Variants in RBFOX1 observed in about 807,000 individuals in gnomAD.
The protein encoded by RBFOX1 is RNA binding protein fox-1 homolog 1.
In RBFOX1, 8 loss-of-function variants were observed where a neutral mutation model predicts 57.7. The observed-to-expected ratio is 0.14, with a 90% confidence interval of 0.08 to 0.25. The LOEUF is 0.25. Ranked by LOEUF, RBFOX1 falls within the 10% of genes least tolerant of loss-of-function variation. The pLI is 1.00. For synonymous variants in RBFOX1, 326 were observed against 222.4 expected (o/e 1.47, Z -4.15); for missense variants, 611 against 548.5 (o/e 1.11, Z -1.14).
chr16:7,413,193 C>G (rs920974831), intron 4 of RBFOX1, among the ~76,000 whole-genome samples: 8 of 152,086 alleles, frequency 5.3e-5, no homozygotes, highest in African/African-American at 1.9e-4. Flanking sequence ...CCAGCTTTTC[C>G]CAGGACACAC....
intron 2 of RBFOX1, among the ~76,000 whole-genome samples, chr16:6,356,402 C>T (rs996047124): frequency 1.3e-5 from 2 of 152,178 alleles, no homozygotes; most frequent in African/African-American, 4.8e-5. Flanking sequence ...TGTACCACAG[C>T]CCTCCAGCCT....
rs189080161 is a variant in RBFOX1 at position 7,008,065 on chromosome 16, G to A, written c.-15-43992G>A. On this transcript the variant is annotated intron_variant, in intron 3 of 15. Coordinates refer to ENST00000550418, the MANE Select transcript of RBFOX1 (RefSeq NM_018723.4). The stretch of plus-strand genomic sequence containing the variant: ...TCTATATTCAGTTGAGAGCAAACTT[G>A]GATCCAGTTTTCAGCCACAGCTACT... 2.0e-5 allele frequency among the ~76,000 whole-genome samples: 3 copies of A among 152,216 alleles called. No homozygotes were observed. In the East Asian group the frequency reaches 5.8e-4, roughly 29 times the overall value.
intron 2 of RBFOX1, among the ~76,000 whole-genome samples, chr16:6,632,193 C>T (rs1447363648): frequency 6.6e-6 from 1 of 152,078 alleles, no homozygotes; most frequent in Non-Finnish European, 1.5e-5. Flanking sequence ...TTAACTGCAT[C>T]GGGTTTCTTT....
intron 4 of RBFOX1, among the ~76,000 whole-genome samples, chr16:7,498,155 A>G (rs2069318150): frequency 6.6e-6 from 1 of 152,154 alleles, no homozygotes; most frequent in South Asian, 2.1e-4. Flanking sequence ...GAAGAATAAC[A>G]AAGGTGGCGT....
intron 3 of RBFOX1, among the ~76,000 whole-genome samples, chr16:6,850,519 G>A (rs1215497520): frequency 6.6e-6 from 1 of 152,008 alleles, no homozygotes; most frequent in Non-Finnish European, 1.5e-5. Context: ...GGGAGAGGAA[G>A]TTGGAGGAAG....
chr16:6,433,126 A>C (rs2094143249), intron 2 of RBFOX1, among the ~76,000 whole-genome samples: 1 of 152,222 alleles, frequency 6.6e-6, no homozygotes, highest in African/African-American at 2.4e-5. Context: ...CCATTGCAGC[A>C]GTTCAGGTGG....
At chr16:7,697,283 G>A (rs541580523) in intron 14 of RBFOX1, among the ~76,000 whole-genome samples, 17 of 152,190 alleles carry the variant, frequency 1.1e-4, no homozygotes, top group Non-Finnish European at 1.0e-4. Context: ...AGGACATACT[G>A]GCAGATTAGA....
intron 14 of RBFOX1, among the ~76,000 whole-genome samples, chr16:7,694,651 C>T (rs1394994202): frequency 7.9e-5 from 12 of 152,122 alleles, no homozygotes; most frequent in Admixed American, 2.6e-4. Flanking sequence ...TGAGAGGTGG[C>T]GACATCCTTA....
At chr16:6,784,599 C>G (rs1007170252) in intron 3 of RBFOX1, among the ~76,000 whole-genome samples, 8 of 152,072 alleles carry the variant, frequency 5.3e-5, no homozygotes, top group Non-Finnish European at 7.4e-5. Flanking sequence ...ATCTCTGTAT[C>G]TCTAGGATTG....
chr16:6,225,867 C>T (rs989971477), intron 1 of RBFOX1, among the ~76,000 whole-genome samples: 3 of 152,164 alleles, frequency 2.0e-5, no homozygotes, highest in East Asian at 1.9e-4. Context: ...TGATTTAATG[C>T]AAAAGCCTTT....
At chr16:6,768,138 A>C (rs953550220) in intron 3 of RBFOX1, among the ~76,000 whole-genome samples, 1 of 151,950 alleles carries the variant, frequency 6.6e-6, no homozygotes, top group Non-Finnish European at 1.5e-5. Context: ...CAGAGGTTGC[A>C]GTGAGCAGAG....
intron 3 of RBFOX1, among the ~76,000 whole-genome samples, chr16:5,718,127 G>A (rs1327460967): frequency 6.6e-6 from 1 of 152,172 alleles, no homozygotes; most frequent in African/African-American, 2.4e-5. Context: ...TTTACATAGG[G>A]GGCTTTCCTT....
At chr16:5,898,741 C>A (rs1054115356) in intron 4 of RBFOX1, among the ~76,000 whole-genome samples, 3 of 151,856 alleles carry the variant, frequency 2.0e-5, no homozygotes, top group Non-Finnish European at 2.9e-5. Flanking sequence ...TATTTTGTAG[C>A]TTCCCTCTCA....
intron 1 of RBFOX1, among the ~76,000 whole-genome samples, chr16:6,067,376 AAACC>A (rs911432168): frequency 1.8e-3 from 37 of 20,278 alleles, no homozygotes; most frequent in Middle Eastern, 0.015. Flanking sequence ...AGGCAAAAAC[AAACC>A]AACCAAACAA....
At position 6,986,427 on chromosome 16, in the gene RBFOX1, G is replaced by T. The variant is rs187270175; in HGVS notation, c.-15-65630G>T. ...TTGGCCAGGCTGGTCTGGAACTCCT[G>T]ACCTCAAGTGATCCCCCTGCCTCAG... On this transcript the variant is annotated intron_variant, in intron 3 of 15. Coordinates refer to ENST00000550418, the MANE Select transcript of RBFOX1 (RefSeq NM_018723.4). Among the ~76,000 whole-genome samples the T allele has an allele frequency of 8.9e-4, 136 of 152,074 alleles. 2 individuals carry two copies. The Middle Eastern group carries it at 0.027, about 30-fold the overall frequency.
intron 1 of RBFOX1, among the ~76,000 whole-genome samples, chr16:6,236,363 A>G (rs1045050891): frequency 6.6e-6 from 1 of 152,150 alleles, no homozygotes; most frequent in Non-Finnish European, 1.5e-5. Flanking sequence ...AGCTACAATG[A>G]TGAGCTCCAA....
chr16:6,022,322 A>G (rs550367147), intron 1 of RBFOX1, among the ~76,000 whole-genome samples: 1 of 152,204 alleles, frequency 6.6e-6, no homozygotes, highest in African/African-American at 2.4e-5. Flanking sequence ...CAAGAATCGA[A>G]GAATATTAGA....
intron 3 of RBFOX1, chr16:5,867,275 CTAA>C: frequency 8.5e-7 from 1 of 1,172,694 alleles, no homozygotes; most frequent in Non-Finnish European, 1.1e-6. Context: ...TGAATCAATA[CTAA>C]TGTCTTTTTT....
chr16:7,235,940 A>G (rs866661434), intron 4 of RBFOX1, among the ~76,000 whole-genome samples: 2 of 152,128 alleles, frequency 1.3e-5, no homozygotes, highest in Admixed American at 6.5e-5. Context: ...ATGACAGCCA[A>G]TTTCAATATT....
Sources: allele counts gnomAD v4.1 joint callset (sites outside exome capture counted in the v4.1 genomes callset), GRCh38; gene constraint gnomAD v4.1.1; transcripts MANE v1.5; gene names NCBI Gene and HGNC (gene_info 2026-07-23, HGNC 2026-07-21).